The following PRKAR2A variants were observed in gnomAD, a reference collection of about 807,000 sequenced individuals.
PRKAR2A encodes the protein cAMP-dependent protein kinase type II-alpha regulatory subunit.
Under a neutral mutation model 51.9 loss-of-function variants are expected in PRKAR2A, and 29 were observed. The observed-to-expected ratio is 0.56, with a 90% CI of 0.42 to 0.76. The LOEUF (loss-of-function observed/expected upper bound fraction) is 0.76. Ranked by LOEUF, PRKAR2A falls within the 30% of genes least tolerant of loss-of-function variation. PRKAR2A has a pLI of 0.00. For missense variants in PRKAR2A, 445 were observed against 512.1 expected (o/e 0.87, Z 1.26); for synonymous variants, 178 against 186.2 (o/e 0.96, Z 0.36).
chr3:48,804,791 T>C (rs532804263), intron 2 of PRKAR2A, among the ~76,000 whole-genome samples: 2 of 152,040 alleles, frequency 1.3e-5, no homozygotes, highest in African/African-American at 2.4e-5. Flanking sequence ...GGTCAAAGAA[T>C]GGAAGGCCAG....
intron 4 of PRKAR2A, among the ~76,000 whole-genome samples, chr3:48,783,982 C>A (rs1285378912): frequency 1.3e-5 from 2 of 152,124 alleles, no homozygotes; most frequent in Non-Finnish European, 2.9e-5. Context: ...TATGAAACAA[C>A]AGATACTCAA....
intron 1 of PRKAR2A, among the ~76,000 whole-genome samples, chr3:48,840,921 G>A (rs1425392145): frequency 8.5e-6 from 1 of 118,102 alleles, no homozygotes; most frequent in Admixed American, 1.1e-4. Context: ...CGCTCTTGTT[G>A]CCCAGGCTGG....
At chr3:48,774,590 A>G (rs1365966447) in intron 5 of PRKAR2A, among the ~76,000 whole-genome samples, 1 of 151,886 alleles carries the variant, frequency 6.6e-6, no homozygotes, top group Non-Finnish European at 1.5e-5. Flanking sequence ...TCCACCCACC[A>G]CCCTTCTCAG....
intron 1 of PRKAR2A, among the ~76,000 whole-genome samples, chr3:48,813,779 A>T (rs2082822366): frequency 1.3e-5 from 2 of 152,172 alleles, no homozygotes; most frequent in African/African-American, 4.8e-5. Context: ...TAATTTAGGT[A>T]GCTGCTATGA....
At chr3:48,786,699 T>A (rs1203943892) in intron 4 of PRKAR2A, among the ~76,000 whole-genome samples, 2 of 151,798 alleles carry the variant, frequency 1.3e-5, no homozygotes, top group Non-Finnish European at 2.9e-5. Flanking sequence ...CAAAAAGATT[T>A]GTACAAAATG....
chr3:48,840,879 CTTTTTTTTTT>C (rs998914309), intron 1 of PRKAR2A, among the ~76,000 whole-genome samples: 7 of 100,736 alleles, frequency 6.9e-5, no homozygotes, highest in African/African-American at 2.2e-4. Context: ...CCTGGCCCAC[CTTTTTTTTTT>C]TTTTTTTTTT....
chr3:48,843,295 CTCTTTTTT>C (rs2083408878), intron 1 of PRKAR2A, among the ~76,000 whole-genome samples: 1 of 152,018 alleles, frequency 6.6e-6, no homozygotes, highest in African/African-American at 2.4e-5. Flanking sequence ...TTTGATTCTT[CTCTTTTTT>C]TCTTTATTAG....
chr3:48,758,207 G>A (rs775465040), intron 8 of PRKAR2A, among the ~76,000 whole-genome samples: 2 of 150,608 alleles, frequency 1.3e-5, no homozygotes, highest in African/African-American at 2.4e-5. Context: ...GCAGTGATCC[G>A]AGGTTGCACC....
intron 1 of PRKAR2A, among the ~76,000 whole-genome samples, chr3:48,838,328 C>T (rs561404151): frequency 5.5e-4 from 84 of 151,422 alleles, no homozygotes; most frequent in African/African-American, 2.0e-3. Context: ...GTATGGTGAC[C>T]GGGCGCAGTG....
intron 6 of PRKAR2A, among the ~76,000 whole-genome samples, chr3:48,771,442 A>T (rs2082027513): frequency 6.6e-6 from 1 of 152,236 alleles, no homozygotes; most frequent in Non-Finnish European, 1.5e-5. Context: ...CAGGAGGTCA[A>T]GGCTGCAGTT....
intron 6 of PRKAR2A, 71 bp downstream of exon 6, chr3:48,772,884 A>G: frequency 1.4e-6 from 2 of 1,451,178 alleles, no homozygotes; most frequent in Admixed American, 2.1e-5. Context: ...GTAAATCAAC[A>G]GCCCAAGGAC....
intron 5 of PRKAR2A, among the ~76,000 whole-genome samples, chr3:48,778,721 T>A (rs191707886): frequency 6.6e-6 from 1 of 151,816 alleles, no homozygotes; most frequent in Admixed American, 6.6e-5. Context: ...GGTTTCACCA[T>A]GTTAGCCAGG....
At chr3:48,812,673 G>A (rs1478311041) in intron 1 of PRKAR2A, among the ~76,000 whole-genome samples, 3 of 152,048 alleles carry the variant, frequency 2.0e-5, no homozygotes, top group East Asian at 1.9e-4. Flanking sequence ...TAGTAGAGAC[G>A]GGGTTTCACC....
At chr3:48,760,417 C>T (rs184286918) in intron 8 of PRKAR2A, among the ~76,000 whole-genome samples, 151 of 152,074 alleles carry the variant, frequency 9.9e-4, no homozygotes, top group Non-Finnish European at 1.8e-3. Context: ...TGGCACAAGC[C>T]TGTAATCTTA....
intron 2 of PRKAR2A, among the ~76,000 whole-genome samples, chr3:48,802,769 G>A (rs1430942083): frequency 6.6e-6 from 1 of 152,120 alleles, no homozygotes; most frequent in Non-Finnish European, 1.5e-5. Context: ...TTGTTTTAAA[G>A]GTATGGAGAG....
chr3:48,795,341 T>A (rs1195448329), intron 2 of PRKAR2A, among the ~76,000 whole-genome samples: 2 of 151,918 alleles, frequency 1.3e-5, no homozygotes, highest in East Asian at 3.9e-4. Flanking sequence ...ATTTTAAAAA[T>A]TAGATAGATA....
At chr3:48,787,838 G>C (rs2082319629) in intron 4 of PRKAR2A, among the ~76,000 whole-genome samples, 2 of 152,032 alleles carry the variant, frequency 1.3e-5, no homozygotes, top group South Asian at 2.1e-4. Flanking sequence ...CTGATGCATT[G>C]TAAGCTCATA....
chr3:48,816,104 G>C (rs1261798543), intron 1 of PRKAR2A, among the ~76,000 whole-genome samples: 2 of 150,144 alleles, frequency 1.3e-5, no homozygotes, highest in Non-Finnish European at 3.0e-5. Context: ...TCTCTCCCCT[G>C]TTCCCATCTG....
intron 1 of PRKAR2A, among the ~76,000 whole-genome samples, chr3:48,830,930 C>T (rs1342388659): frequency 2.6e-5 from 4 of 152,118 alleles, no homozygotes; most frequent in Non-Finnish European, 5.9e-5. Flanking sequence ...CACCACTGAT[C>T]TGACAGGAGA....
Sources: gnomAD v4.1 joint callset for allele counts (sites outside exome capture counted in the v4.1 genomes callset) on GRCh38, gnomAD v4.1.1 for gene constraint, MANE v1.5 for transcripts, NCBI Gene and HGNC (gene_info 2026-07-23, HGNC 2026-07-21) for gene names.